The following CTSV variants were observed in gnomAD, a reference collection of about 807,000 sequenced individuals.
The protein encoded by CTSV is cathepsin L2.
Under a neutral mutation model 35.6 loss-of-function variants are expected in CTSV, and 33 were observed. The ratio of observed to expected loss-of-function variants is 0.93; its 90% CI spans 0.70 to 1.24. The LOEUF (loss-of-function observed/expected upper bound fraction) is 1.24. CTSV is among the 50% of genes most tolerant of loss of function. CTSV has a pLI of 0.00. For synonymous variants in CTSV, 154 were observed against 147.1 expected, an observed-to-expected ratio of 1.05 and a Z score of -0.34; for missense variants, 408 against 413.1, an observed-to-expected ratio of 0.99 and a Z score of 0.11.
Position 97,035,638 on chromosome 9 carries a change from G to A in CTSV, c.677C>T (p.Thr226Ile), listed in dbSNP as rs752656555. 1 of 1,599,888 alleles carries A rather than the reference G, an allele frequency of 6.3e-7. No individual in the cohort carries two copies. The highest frequency in any genetic ancestry group is 1.1e-5 in the South Asian group (1 of 88,884). Residue 226 changes from threonine (T) to isoleucine (I), a missense_variant, in exon 6 of 8, where the codon ACA (threonine) becomes ATA (isoleucine). By Grantham distance (89) the Thr-to-Ile change is moderately conservative. Coordinates refer to ENST00000259470, the MANE Select transcript of CTSV (RefSeq NM_001333.4). ...ENSVANDTGF[T>I]VVAPGKEKAL... ...CTTCTCCTTTCCAGGTGCGACCACT[G>A]TGAAGCCAGTGTCATTAGCAACAGA...
At chr9:97,036,126 A>G (rs1828845229) in intron 5 of CTSV, among the ~76,000 whole-genome samples, 1 of 150,114 alleles carries the variant, frequency 6.7e-6, no homozygotes, top group Admixed American at 6.7e-5. Flanking sequence ...GCTGGAGTGT[A>G]GTGGTGCGAT....
At chr9:97,038,460 T>A (rs903985413) in intron 1 of CTSV, 8 of 165,092 alleles carry the variant, frequency 4.8e-5, no homozygotes, top group Non-Finnish European at 9.3e-5. Context: ...CCTCACACCT[T>A]CTTGGCTGAT....
intron 7 of CTSV, among the ~76,000 whole-genome samples, chr9:97,033,280 C>T (rs1185045790): frequency 6.6e-6 from 1 of 151,794 alleles, no homozygotes; most frequent in Non-Finnish European, 1.5e-5. Flanking sequence ...AGTTTGAGAC[C>T]AGCTTGGCCA....
rs1828767830 is a variant in CTSV, at chr9:97,032,379, CAG to C, written c.*568_*569del. The C allele has an allele frequency of 6.6e-6, 1 of 151,942 alleles. No individual in the cohort carries two copies. The highest frequency in any genetic ancestry group is 6.6e-5 in the Admixed American group (1 of 15,258). The allele number at this position is 151,942 out of a possible 1,614,324, so 9.4% of individuals were successfully genotyped here. On this transcript the variant is annotated 3_prime_UTR_variant, in exon 8 of 8. Transcript: ENST00000259470. Reference sequence around the variant, plus strand: ...CACTACTGCACTCCAGCCTTGGTGACAGAGTGAGAGAGACTCCGTCTCATAAA... The same window carrying C: ...CACTACTGCACTCCAGCCTTGGTGACAGTGAGAGAGACTCCGTCTCATAAA...
intron 4 of CTSV, 38 bp from the exon 5 acceptor site, chr9:97,036,785 A>G: frequency 1.3e-6 from 2 of 1,499,776 alleles, no homozygotes; most frequent in South Asian, 1.3e-5. Context: ...AATTTACAAG[A>G]CCAATACAAA....
At position 97,039,133 on chromosome 9, in the gene CTSV, G is replaced by A. The variant is rs978558328; in HGVS notation, c.-73C>T. Reference sequence around the variant, plus strand: ...CAAGCCTCTGAGATTACAGACGTCCGCGGTCTGGTGCAGGTTCGCCCGCCT... The same window carrying A: ...CAAGCCTCTGAGATTACAGACGTCCACGGTCTGGTGCAGGTTCGCCCGCCT... On this transcript the variant is annotated 5_prime_UTR_variant, in exon 1 of 8. Coordinates refer to ENST00000259470, the MANE Select transcript of CTSV (RefSeq NM_001333.4). 1 of 152,276 alleles carries A rather than the reference G, an allele frequency of 6.6e-6. No individual in the cohort carries two copies. Among genetic ancestry groups the A allele is most frequent in the Non-Finnish European group, 1.5e-5 (1 of 68,080 alleles). 9.4% of individuals were successfully genotyped at this position (152,276 alleles called of 1,614,324 possible).
intron 3 of CTSV, 31 bp from the exon 4 acceptor site, chr9:97,037,429 G>T: frequency 3.1e-6 from 5 of 1,613,736 alleles, no homozygotes; most frequent in Non-Finnish European, 4.2e-6. Flanking sequence ...AATGTTAAAA[G>T]CAAGACTATT....
At chr9:97,034,962 G>T in intron 6 of CTSV, 119 bp from the exon 7 acceptor site, 1 of 698,138 alleles carries the variant, frequency 1.4e-6, no homozygotes, top group Non-Finnish European at 2.4e-6. Flanking sequence ...ATAAACAAAT[G>T]CCAAATAAGG....
chr9:97,030,034 C>T lies in CTSV; in HGVS notation c.*2915G>A, dbSNP rs1025740877. The T allele has an allele frequency of 1.3e-5, 2 of 152,156 alleles. No homozygotes were observed. The highest frequency in any genetic ancestry group is 2.9e-5 in the Non-Finnish European group (2 of 68,032). 9.4% of individuals were successfully genotyped at this position (152,156 alleles called of 1,614,324 possible). A position where few individuals can be genotyped will look rare whatever the true frequency, so the allele number is the denominator to read the frequency against. ...AGTGTACTCTATGATGTTCACGTCA[C>T]GATGAAATCACCCAAGACACATTTC... is the stretch of plus-strand genomic sequence containing the variant. On this transcript the variant is annotated 3_prime_UTR_variant, in exon 8 of 8. Transcript: ENST00000259470.
chr9:97,039,397 C>T (rs1209940897), upstream of CTSV: 3 of 152,548 alleles, frequency 2.0e-5, no homozygotes, highest in Non-Finnish European at 4.4e-5. Context: ...GGGCTCAGAT[C>T]TACTGACTAT....
chr9:97,034,099 AAAAT>A (rs961919788), intron 7 of CTSV, among the ~76,000 whole-genome samples: 15 of 152,352 alleles, frequency 9.8e-5, no homozygotes, highest in African/African-American at 3.4e-4. Flanking sequence ...TCTGTCTCAA[AAAAT>A]AAATAAACAA....
chr9:97,037,124 A>T, intron 4 of CTSV, 128 bp downstream of exon 4: 1 of 1,049,160 alleles, frequency 9.5e-7, no homozygotes, highest in Non-Finnish European at 1.3e-6. Flanking sequence ...GCAAACAAAA[A>T]AAACACCAAA....
chr9:97,034,124 G>T (rs1417087591), intron 7 of CTSV, among the ~76,000 whole-genome samples: 3 of 152,136 alleles, frequency 2.0e-5, no homozygotes, highest in African/African-American at 7.2e-5. Flanking sequence ...ATGAATGAAT[G>T]AATATATTGA....
chr9:97,033,134 T>C, intron 7 of CTSV, 86 bp from the exon 8 acceptor site: 1 of 806,032 alleles, frequency 1.2e-6, no homozygotes, highest in Non-Finnish European at 2.1e-6. Context: ...ACTTAAACAG[T>C]GCTTCCCATG....
chr9:97,034,082 G>A (rs984866607), intron 7 of CTSV, among the ~76,000 whole-genome samples: 2 of 152,216 alleles, frequency 1.3e-5, no homozygotes, highest in African/African-American at 2.4e-5. Context: ...GGGTGACAGA[G>A]CGACACTCTG....
Position 97,037,990 on chromosome 9 carries a change from A to G in CTSV, c.54T>C (p.Val18=), listed in dbSNP as rs1196837708. ...AAFCLGIASA[V]PKFDQNLDTK... ...TATCCAAATTTTGGTCAAATTTTGG[A>G]ACAGCGGAGGCTATTCCCAAGCAAA... The change falls in exon 2 of 8, where the codon GTT becomes GTC. Residue 18 remains valine (V), a synonymous_variant. Coordinates refer to ENST00000259470, the MANE Select transcript of CTSV (RefSeq NM_001333.4). 1.9e-6 allele frequency: 3 copies of G among 1,613,994 alleles called. No individual in the cohort carries two copies. In the South Asian group the frequency reaches 3.3e-5, roughly 18 times the overall value.
At chr9:97,033,428 T>C (rs1347467521) in intron 7 of CTSV, among the ~76,000 whole-genome samples, 1 of 143,570 alleles carries the variant, frequency 7.0e-6, no homozygotes, top group Non-Finnish European at 1.5e-5. Context: ...TTGACCAACA[T>C]GGTGAAACCC....
rs1828733984 is a variant in CTSV at position 97,030,881 on chromosome 9, T to C, written c.*2068A>G. The C allele has an allele frequency of 6.6e-6, 1 of 152,208 alleles. No individual in the cohort carries two copies. Among genetic ancestry groups the C allele is most frequent in the Non-Finnish European group, 1.5e-5 (1 of 68,036 alleles). 9.4% of individuals were successfully genotyped at this position (152,208 alleles called of 1,614,324 possible). On this transcript the variant is annotated 3_prime_UTR_variant, in exon 8 of 8. Coordinates refer to ENST00000259470, the MANE Select transcript of CTSV (RefSeq NM_001333.4). ...CAGAGATTTTGTTTATGGCCAGATT[T>C]GGGGGCATATCCCCAGCAAATATTG...
At chr9:97,036,095 G>T (rs1424904841) in intron 5 of CTSV, among the ~76,000 whole-genome samples, 2 of 150,844 alleles carry the variant, frequency 1.3e-5, no homozygotes, top group African/African-American at 4.9e-5. Context: ...TTTTGAGATG[G>T]AGTCTCGCTC....
Sources: gnomAD v4.1 joint callset for allele counts (sites outside exome capture counted in the v4.1 genomes callset) on GRCh38, gnomAD v4.1.1 for gene constraint, MANE v1.5 for transcripts, NCBI Gene and HGNC (gene_info 2026-07-23, HGNC 2026-07-21) for gene names.